Variants in NECAB2 observed in about 807,000 individuals in gnomAD.
NECAB2 encodes the protein N-terminal EF-hand calcium-binding protein 2.
A neutral mutation model predicts 51.9 loss-of-function variants in NECAB2; 68 were observed. The ratio of observed to expected loss-of-function variants is 1.31; its 90% CI spans 1.08 to 1.60. NECAB2 has a LOEUF of 1.60. NECAB2 is among the 40% of genes most tolerant of loss of function. The pLI is 0.00. For synonymous variants in NECAB2, 329 were observed against 203.5 expected (o/e 1.62, Z -5.25); for missense variants, 854 against 490.3 (o/e 1.74, Z -7.00).
In NECAB2 at chr16:84,002,343, C is replaced by G. The variant is rs2084855067; in HGVS notation, c.1158C>G (p.Asp386Glu). The G allele has an allele frequency of 3.7e-6, 6 of 1,614,042 alleles. No individual in the cohort carries two copies. Among genetic ancestry groups the G allele is most frequent in the Non-Finnish European group, 5.1e-6 (6 of 1,179,954 alleles). Residue 386 changes from aspartate (D) to glutamate (E), a missense_variant, in exon 13 of 13, where the codon GAC becomes GAG. Coordinates refer to ENST00000305202, the MANE Select transcript of NECAB2 (RefSeq NM_019065.3). ...VPAAWCTVGR[D>E] ...CTGCTTGGTGCACGGTGGGACGGGA[C>G]TGACAGCCTCCCAGAGGCCCGTGGA...
chr16:84,002,294 T>C (rs774253620), intron 12 of NECAB2, 24 bp from the exon 13 acceptor site: 4 of 1,613,596 alleles, frequency 2.5e-6, no homozygotes, highest in Non-Finnish European at 3.4e-6. Flanking sequence ...ACTCCTTCCC[T>C]CTAACGTGTC....
In NECAB2 at chr16:83,998,296, C is replaced by T. The variant is rs766573417; in HGVS notation, c.941C>T (p.Thr314Ile). Residue 314 changes from threonine to isoleucine, a missense_variant, in exon 10 of 13, where the codon ACT becomes ATT. Physicochemically the swap from Thr to Ile is moderately conservative, Grantham distance 89. Coordinates refer to ENST00000305202, the MANE Select transcript of NECAB2 (RefSeq NM_019065.3). ...CTGCGCCAGTATCTGCGGGGGACCA[C>T]TGGCGTGAGGAACTGCTTCCAGTGA... ...DSLRQYLRGT[T>I]GVRNCFHITA... The T allele has an allele frequency of 6.2e-7, 1 of 1,613,554 alleles. No individual in the cohort carries two copies. The highest frequency in any genetic ancestry group is 8.5e-7 in the Non-Finnish European group (1 of 1,180,002).
At chr16:83,985,617 G>A (rs532876609) in intron 5 of NECAB2, among the ~76,000 whole-genome samples, 3 of 150,898 alleles carry the variant, frequency 2.0e-5, no homozygotes, top group South Asian at 4.2e-4. Context: ...TGGGCAACAA[G>A]AGTGAGTCTC....
upstream of NECAB2, chr16:83,965,866 C>T (rs758444757): frequency 1.9e-6 from 3 of 1,612,982 alleles, no homozygotes; most frequent in South Asian, 3.3e-5. Flanking sequence ...ACGTGGACCC[C>T]TTCACCTACC....
chr16:83,968,981 C>T (rs2084320062), intron 1 of NECAB2, 132 bp downstream of exon 1: 2 of 454,598 alleles, frequency 4.4e-6, no homozygotes, highest in Non-Finnish European at 6.0e-6. Flanking sequence ...CCCGGCCCCT[C>T]CGCGTGCCGG....
At chr16:83,991,461 G>A (rs2084624718) in intron 6 of NECAB2, among the ~76,000 whole-genome samples, 1 of 147,778 alleles carries the variant, frequency 6.8e-6, no homozygotes, top group Non-Finnish European at 1.5e-5. Flanking sequence ...CCGCCTCCCA[G>A]GTTCAAGCGA....
At chr16:83,972,596 C>T (rs1284893175) in intron 2 of NECAB2, among the ~76,000 whole-genome samples, 1 of 152,238 alleles carries the variant, frequency 6.6e-6, no homozygotes, top group Non-Finnish European at 1.5e-5. Flanking sequence ...ATCGTAGCAA[C>T]CTGAGCAGTC....
chr16:83,998,201 G>T lies in NECAB2; in HGVS notation c.850-4G>T, dbSNP rs375940427. 3.1e-6 allele frequency: 5 copies of T among 1,607,318 alleles called. No individual in the cohort carries two copies. The Admixed American group carries it at 6.7e-5, about 21-fold the overall frequency. ...CCCACACTGACTCCTGCTGTGCCCG[G>T]CAGCACCTGCAGCTGGTCCGGCAGG... is the stretch of plus-strand genomic sequence containing the variant. On this transcript the variant is annotated splice_region_variant and splice_polypyrimidine_tract_variant and intron_variant, in intron 9 of 12. Coordinates refer to ENST00000305202, the MANE Select transcript of NECAB2 (RefSeq NM_019065.3).
Position 84,002,626 on chromosome 16 carries a change from CCTCA to C in NECAB2, c.*282_*285del. On this transcript the variant is annotated 3_prime_UTR_variant, in exon 13 of 13. Transcript: ENST00000305202. ...TCCTGGTCCTGGCCTCTCCCCTACC[CCTCA>C]CATGGCCACGCATGACCCACACTGA... 1 of 546,518 alleles carries C rather than the reference CCTCA, an allele frequency of 1.8e-6. No individual in the cohort carries two copies. Among genetic ancestry groups the C allele is most frequent in the Non-Finnish European group, 3.3e-6 (1 of 304,336 alleles). The allele number at this position is 546,518 out of a possible 1,614,324, so 33.9% of individuals were successfully genotyped here. A position where few individuals can be genotyped will look rare whatever the true frequency, so the allele number is the denominator to read the frequency against.
At chr16:83,982,474 C>G (rs1198154142) in intron 5 of NECAB2, among the ~76,000 whole-genome samples, 1 of 152,188 alleles carries the variant, frequency 6.6e-6, no homozygotes, top group Non-Finnish European at 1.5e-5. Flanking sequence ...TCCCAGGCTT[C>G]CGAGTCACCC....
chr16:83,993,117 C>T (rs189823357), intron 6 of NECAB2, among the ~76,000 whole-genome samples: 2 of 152,298 alleles, frequency 1.3e-5, no homozygotes, highest in East Asian at 1.9e-4. Context: ...CCCCAAATCT[C>T]AGCTAGTTTG....
At chr16:84,001,172 G>A (rs187051735) in intron 11 of NECAB2, among the ~76,000 whole-genome samples, 38 of 152,228 alleles carry the variant, frequency 2.5e-4, no homozygotes, top group East Asian at 3.9e-4. Flanking sequence ...TTGTTCCAGC[G>A]ACTAACCTCC....
chr16:84,002,429 T>G lies in NECAB2; in HGVS notation c.*83T>G, dbSNP rs559732181. 6 of 1,513,120 alleles carry G rather than the reference T, an allele frequency of 4.0e-6. No homozygotes were observed. In the South Asian group the frequency reaches 4.5e-5, roughly 11 times the overall value. The allele number at this position is 1,513,120 out of a possible 1,614,324, so 93.7% of individuals were successfully genotyped here. On this transcript the variant is annotated 3_prime_UTR_variant, in exon 13 of 13. Coordinates refer to ENST00000305202, the MANE Select transcript of NECAB2 (RefSeq NM_019065.3). ...CCCGTTTTTTTCTAGACAGACACTT[T>G]GGTGCAGAAGCTTCTTTTCAATCCA...
rs555543402 is a variant in NECAB2 at position 84,002,194 on chromosome 16, A to G, written c.1133-124A>G. The G allele has an allele frequency of 8.3e-4, 1,055 of 1,269,234 alleles. 1 individual carries two copies. Among genetic ancestry groups the G allele is most frequent in the Non-Finnish European group, 1.1e-3 (954 of 873,888 alleles). 78.6% of individuals were successfully genotyped at this position (1,269,234 alleles called of 1,614,324 possible). A position where few individuals can be genotyped will look rare whatever the true frequency, so the allele number is the denominator to read the frequency against. On this transcript the variant is annotated intron_variant, in intron 12 of 12. Transcript: ENST00000305202. ...GTGGTTTGCACCTGGGTGACCAGCA[A>G]GGACCTGTGTGTCACACAAGGACTC...
intron 6 of NECAB2, among the ~76,000 whole-genome samples, chr16:83,992,380 C>G (rs964016409): frequency 6.9e-6 from 1 of 145,242 alleles, no homozygotes; most frequent in South Asian, 2.2e-4. Context: ...GCACCCGTCC[C>G]CCCGCCCACC....
At chr16:83,965,950 G>A, upstream of NECAB2, 1 of 1,610,736 alleles carries the variant, frequency 6.2e-7, no homozygotes, top group Non-Finnish European at 8.5e-7. Flanking sequence ...TTGTGCAGGG[G>A]GGCGCCTTGG....
chr16:83,970,663 C>T (rs888948197), intron 1 of NECAB2, among the ~76,000 whole-genome samples: 2 of 152,154 alleles, frequency 1.3e-5, no homozygotes, highest in South Asian at 2.1e-4. Context: ...TGACCTGGCC[C>T]CAGCAGCCCT....
chr16:83,997,060 G>T (rs545221735), intron 8 of NECAB2, among the ~76,000 whole-genome samples, 156 bp from the exon 9 acceptor site: 2 of 150,350 alleles, frequency 1.3e-5, no homozygotes, highest in East Asian at 3.9e-4. Context: ...AGGCCAGAGG[G>T]AGTCTCTGCC....
At chr16:83,989,543 C>A (rs771535545) in intron 5 of NECAB2, among the ~76,000 whole-genome samples, 59 of 152,132 alleles carry the variant, frequency 3.9e-4, no homozygotes, top group Non-Finnish European at 4.4e-5. Context: ...ATCCAAGGTG[C>A]CTGGGGCAGG....
Sources: allele counts gnomAD v4.1 joint callset (sites outside exome capture counted in the v4.1 genomes callset), GRCh38; gene constraint gnomAD v4.1.1; transcripts MANE v1.5; gene names NCBI Gene and HGNC (gene_info 2026-07-23, HGNC 2026-07-21).